Variants in NUF2 observed in about 807,000 individuals in gnomAD.
NUF2 encodes the protein NUF2 component of NDC80 kinetochore complex.
Under a neutral mutation model 61.8 loss-of-function variants are expected in NUF2, and 34 were observed. That is an observed-to-expected ratio of 0.55 (90% CI 0.42 to 0.73). The LOEUF (loss-of-function observed/expected upper bound fraction) is 0.73. NUF2 is among the 30% of genes least tolerant of loss of function. The pLI is 0.00. For missense variants in NUF2, 445 were observed against 539.1 expected (o/e 0.83, Z 1.73); for synonymous variants, 172 against 181.6 (o/e 0.95, Z 0.42).
At chr1:163,339,216 T>C (rs939714658) in intron 7 of NUF2, 165 bp from the exon 8 acceptor site, 13 of 554,694 alleles carry the variant, frequency 2.3e-5, no homozygotes, top group Non-Finnish European at 4.1e-5. Context: ...TTTCTGCCTG[T>C]AGTAGAGGCC....
At chr1:163,326,298 A>G in intron 2 of NUF2, 124 bp downstream of exon 2, 1 of 788,056 alleles carries the variant, frequency 1.3e-6, no homozygotes, top group Admixed American at 2.6e-5. Flanking sequence ...ATTTTCATTG[A>G]GAGAGAATCT....
At chr1:163,350,009 T>C (rs913201531) in intron 13 of NUF2, among the ~76,000 whole-genome samples, 3 of 151,946 alleles carry the variant, frequency 2.0e-5, no homozygotes, top group Non-Finnish European at 4.4e-5. Context: ...TAGAAAGACT[T>C]AGCAGATATT....
intron 2 of NUF2, among the ~76,000 whole-genome samples, chr1:163,327,150 T>C (rs1214783269): frequency 1.3e-5 from 2 of 151,264 alleles, no homozygotes; most frequent in African/African-American, 4.9e-5. Flanking sequence ...ACATTTTCCA[T>C]GTGCCATTAT....
chr1:163,324,292 G>A (rs1650341117), intron 1 of NUF2, among the ~76,000 whole-genome samples: 2 of 152,132 alleles, frequency 1.3e-5, no homozygotes, highest in Non-Finnish European at 2.9e-5. Flanking sequence ...GGACCAGGAG[G>A]TAAAATTACC....
intron 9 of NUF2, among the ~76,000 whole-genome samples, chr1:163,340,761 G>A (rs1022059): frequency 0.59 from 89,141 of 151,916 alleles, 26,574 homozygotes; most frequent in South Asian, 0.69. Flanking sequence ...TCCACTTAGC[G>A]ATATAATACA....
rs137993679 is a variant in NUF2 at position 163,353,892 on chromosome 1, C to T, written c.1261-1443C>T. 2.7e-3 allele frequency among the ~76,000 whole-genome samples: 416 copies of T among 152,116 alleles called. 2 individuals are homozygous for T. Among genetic ancestry groups the T allele is most frequent in the African/African-American group, 8.8e-3 (367 of 41,490 alleles). Reference sequence around the variant, plus strand: ...CCTCCTTGAGAGTGTTACTTGTTCTCGGAAGGAAAGTATTCCTTTGGGTAT... The same window carrying T: ...CCTCCTTGAGAGTGTTACTTGTTCTTGGAAGGAAAGTATTCCTTTGGGTAT... On this transcript the variant is annotated intron_variant, in intron 13 of 13. Transcript: ENST00000271452.
chr1:163,345,844 T>C, intron 11 of NUF2, 26 bp downstream of exon 11: 1 of 1,509,884 alleles, frequency 6.6e-7, no homozygotes, highest in Non-Finnish European at 9.0e-7. Context: ...AATTTTGATG[T>C]CTTTATTATA....
chr1:163,326,908 A>G (rs888156762), intron 2 of NUF2, among the ~76,000 whole-genome samples: 2 of 152,132 alleles, frequency 1.3e-5, no homozygotes, highest in African/African-American at 4.8e-5. Context: ...TGCTCACCCA[A>G]TAAACTTGTA....
intron 10 of NUF2, among the ~76,000 whole-genome samples, chr1:163,344,116 A>G (rs1571393519): frequency 6.6e-6 from 1 of 152,168 alleles, no homozygotes; most frequent in Non-Finnish European, 1.5e-5. Flanking sequence ...AGATCAAAAC[A>G]GAAATGCTGG....
intron 10 of NUF2, among the ~76,000 whole-genome samples, chr1:163,345,049 ATAGAGAAAAG>A (rs1250028626): frequency 1.3e-5 from 2 of 152,334 alleles, no homozygotes; most frequent in East Asian, 3.9e-4. Context: ...CAGAAAATCT[ATAGAGAAAAG>A]TAGACACATT....
In NUF2 at chr1:163,327,100, ACACACAC is replaced by A. The variant is rs1444925690; in HGVS notation, c.124-387_124-381del. Among the ~76,000 whole-genome samples, 262 of 145,332 alleles carry A rather than the reference ACACACAC, an allele frequency of 1.8e-3. 1 individual carries two copies. The highest frequency in any genetic ancestry group is 5.7e-3 in the African/African-American group (211 of 36,696). ...GCAGCAAACAAGGTTTCCTGTGTTC[ACACACAC>A]ACACACACACACACACACACACACA... On this transcript the variant is annotated intron_variant, in intron 2 of 13. Coordinates refer to ENST00000271452, the MANE Select transcript of NUF2 (RefSeq NM_145697.3).
At chr1:163,343,921 C>A in intron 10 of NUF2, 51 bp downstream of exon 10, 4 of 1,142,506 alleles carry the variant, frequency 3.5e-6, no homozygotes, top group Non-Finnish European at 4.7e-6. Flanking sequence ...AAAAAATTAG[C>A]AAATTCTTGT....
intron 3 of NUF2, 86 bp downstream of exon 3, chr1:163,327,648 C>G: frequency 1.2e-6 from 1 of 807,446 alleles, no homozygotes; most frequent in Non-Finnish European, 2.1e-6. Flanking sequence ...ACAATGCATA[C>G]TGGCTTTTAG....
Position 163,349,083 on chromosome 1 carries a change from G to A in NUF2, c.1260+3G>A. Reference sequence around the variant, plus strand: ...AAAGGGAGAAACTGAAGTCCCAGGTGAATATGTGTTCATAAGAAGTTAATT... The same window carrying A: ...AAAGGGAGAAACTGAAGTCCCAGGTAAATATGTGTTCATAAGAAGTTAATT... On this transcript the variant is annotated splice_donor_region_variant and intron_variant, in intron 13 of 13. Transcript: ENST00000271452. The A allele has an allele frequency of 1.9e-6, 3 of 1,598,322 alleles. No individual in the cohort carries two copies. The highest frequency in any genetic ancestry group is 1.8e-5 in the Admixed American group (1 of 55,778).
At chr1:163,339,546 T>A in intron 8 of NUF2, 69 bp downstream of exon 8, 1 of 864,238 alleles carries the variant, frequency 1.2e-6, no homozygotes, top group Non-Finnish European at 1.9e-6. Context: ...GGACATATAG[T>A]GGAGGTAACA....
At chr1:163,326,798 G>T (rs1430023142) in intron 2 of NUF2, among the ~76,000 whole-genome samples, 1 of 151,982 alleles carries the variant, frequency 6.6e-6, no homozygotes, top group Non-Finnish European at 1.5e-5. Context: ...TTTGATTCTC[G>T]AAAATGGAAG....
At chr1:163,351,994 A>T (rs1370632379) in intron 13 of NUF2, among the ~76,000 whole-genome samples, 2 of 152,230 alleles carry the variant, frequency 1.3e-5, no homozygotes, top group African/African-American at 4.8e-5. Context: ...ATAATATTTT[A>T]AAATTACATT....
chr1:163,355,520 C>G lies in NUF2; in HGVS notation c.*51C>G. The G allele has an allele frequency of 2.6e-6, 4 of 1,521,860 alleles. No homozygotes were observed. The highest frequency in any genetic ancestry group is 3.5e-6 in the Non-Finnish European group (4 of 1,128,914). 94.3% of individuals were successfully genotyped at this position (1,521,860 alleles called of 1,614,324 possible). A position where few individuals can be genotyped will look rare whatever the true frequency, so the allele number is the denominator to read the frequency against. Reference sequence around the variant, plus strand: ...AAATGGCTTGCCATCTTTTAATTTTCTATTTAGAAAGAAAAGTTGAAGCGA... The same window carrying G: ...AAATGGCTTGCCATCTTTTAATTTTGTATTTAGAAAGAAAAGTTGAAGCGA... On this transcript the variant is annotated 3_prime_UTR_variant, in exon 14 of 14. Coordinates refer to ENST00000271452, the MANE Select transcript of NUF2 (RefSeq NM_145697.3).
chr1:163,324,235 A>G (rs1344008008), intron 1 of NUF2, among the ~76,000 whole-genome samples: 1 of 151,654 alleles, frequency 6.6e-6, no homozygotes, highest in Non-Finnish European at 1.5e-5. Context: ...AAATGGTGTC[A>G]TGTAAACAGA....
Sources: gnomAD v4.1 joint callset for allele counts (sites outside exome capture counted in the v4.1 genomes callset) on GRCh38, gnomAD v4.1.1 for gene constraint, MANE v1.5 for transcripts, NCBI Gene and HGNC (gene_info 2026-07-23, HGNC 2026-07-21) for gene names.